Variants in PPP2R2B observed in about 807,000 individuals in gnomAD.
PPP2R2B encodes serine/threonine-protein phosphatase 2A 55 kDa regulatory subunit B beta isoform.
Under a neutral mutation model 46.0 loss-of-function variants are expected in PPP2R2B, and 5 were observed. That is an observed-to-expected ratio of 0.11 (90% CI 0.06 to 0.23). The LOEUF (loss-of-function observed/expected upper bound fraction) is 0.23, where lower values mean the gene tolerates loss of function less well. PPP2R2B is among the 10% of genes least tolerant of loss of function. PPP2R2B has a pLI of 1.00. For missense variants in PPP2R2B, 367 were observed against 575.0 expected (o/e 0.64, Z 3.70); for synonymous variants, 215 against 206.7 (o/e 1.04, Z -0.34).
intron 8 of PPP2R2B, among the ~76,000 whole-genome samples, chr5:146,596,305 T>G (rs993875848): frequency 6.6e-6 from 1 of 152,254 alleles, no homozygotes; most frequent in Non-Finnish European, 1.5e-5. Context: ...TGTGAATGCA[T>G]GTATGAAAAT....
intron 1 of PPP2R2B, among the ~76,000 whole-genome samples, chr5:147,045,753 G>A (rs1181986661): frequency 1.3e-5 from 2 of 152,130 alleles, no homozygotes; most frequent in Non-Finnish European, 2.9e-5. Context: ...CACATCACTT[G>A]ATAGCTTCAT....
At chr5:146,605,419 C>G (rs1029150380) in intron 7 of PPP2R2B, among the ~76,000 whole-genome samples, 4 of 152,204 alleles carry the variant, frequency 2.6e-5, no homozygotes, top group African/African-American at 9.7e-5. Context: ...CCCCACTACT[C>G]TAGGTAGCCT....
chr5:147,047,892 T>C (rs951688195), intron 1 of PPP2R2B, among the ~76,000 whole-genome samples: 2 of 152,172 alleles, frequency 1.3e-5, no homozygotes, highest in Non-Finnish European at 2.9e-5. Context: ...GCTGCAGATC[T>C]ACTGTCATTT....
intron 2 of PPP2R2B, among the ~76,000 whole-genome samples, chr5:146,736,173 T>A (rs1001414910): frequency 6.6e-6 from 1 of 152,208 alleles, no homozygotes; most frequent in African/African-American, 2.4e-5. Context: ...CCTGCCTCCA[T>A]GTGAAGAAGG....
chr5:146,619,938 A>G (rs918414192), intron 7 of PPP2R2B, among the ~76,000 whole-genome samples: 4 of 152,210 alleles, frequency 2.6e-5, no homozygotes, highest in African/African-American at 9.6e-5. Flanking sequence ...TTATCTGTTC[A>G]GGATTCACAA....
rs568736970 is a variant in PPP2R2B, at chr5:146,986,750, A to G, written c.79+68915T>C. ...CAAAAAGAATGCAAAAGGACAAAGA[A>G]CACTTATGAGCTATATAAGATAGTA... On this transcript the variant is annotated intron_variant, in intron 1 of 8. Coordinates refer to the PPP2R2B transcript ENST00000336640. 4.1e-4 allele frequency among the ~76,000 whole-genome samples: 62 copies of G among 152,314 alleles called. 1 individual carries two copies. Among genetic ancestry groups the G allele is most frequent in the Non-Finnish European group, 6.9e-4 (47 of 68,020 alleles).
chr5:146,776,611 C>A (rs1231069262), intron 2 of PPP2R2B, among the ~76,000 whole-genome samples: 2 of 151,836 alleles, frequency 1.3e-5, no homozygotes, highest in Non-Finnish European at 2.9e-5. Context: ...AATATGACAC[C>A]AAAAGCACAG....
intron 2 of PPP2R2B, among the ~76,000 whole-genome samples, chr5:146,861,047 A>ATTTTTTTT (rs869248861): frequency 6.1e-5 from 8 of 132,194 alleles, no homozygotes; most frequent in Non-Finnish European, 7.9e-5. Flanking sequence ...TTCAAACTGA[A>ATTTTTTTT]TTTTTTCTTT....
intron 2 of PPP2R2B, among the ~76,000 whole-genome samples, chr5:147,075,081 A>T (rs1757723973): frequency 6.6e-6 from 1 of 152,194 alleles, no homozygotes; most frequent in Non-Finnish European, 1.5e-5. Flanking sequence ...ACTGCACCAG[A>T]TAATTCTTTT....
chr5:147,053,775 A>G (rs1296969011), intron 1 of PPP2R2B, among the ~76,000 whole-genome samples: 1 of 152,222 alleles, frequency 6.6e-6, no homozygotes, highest in Non-Finnish European at 1.5e-5. Context: ...GGAGCATTAC[A>G]AAGAACTTTA....
chr5:146,651,153 T>C (rs967758099), intron 5 of PPP2R2B, among the ~76,000 whole-genome samples: 3 of 152,220 alleles, frequency 2.0e-5, no homozygotes, highest in African/African-American at 7.2e-5. Context: ...CTTTTATGTC[T>C]TTTCATCTCA....
rs1188078621 is a variant in PPP2R2B, at chr5:146,707,262, C to T, written c.71-6120G>A. On this transcript the variant is annotated intron_variant, in intron 2 of 9. Transcript: ENST00000394411. Reference sequence around the variant, plus strand: ...GGAGGCTCCACTTGGTCTCCAGCATCTTGTTCTGCTGCTCCAGGAACCGTA... The same window carrying T: ...GGAGGCTCCACTTGGTCTCCAGCATTTTGTTCTGCTGCTCCAGGAACCGTA... The T allele has an allele frequency of 3.2e-6, 5 of 1,586,458 alleles. No homozygotes were observed. The Admixed American group carries it at 6.7e-5, about 21-fold the overall frequency.
Position 146,838,709 on chromosome 5 carries a change from G to A in PPP2R2B, c.70+39293C>T, listed in dbSNP as rs994875842. ...AGCTACACAAGTGAGTTAAGAAAGT[G>A]ATATGCTAACACATTAATGATTAAT... On this transcript the variant is annotated intron_variant, in intron 2 of 9. Coordinates refer to ENST00000394411, the MANE Select transcript of PPP2R2B (RefSeq NM_181675.4). Among the ~76,000 whole-genome samples, 7 of 152,284 alleles carry A rather than the reference G, an allele frequency of 4.6e-5. No individual in the cohort carries two copies. The East Asian group carries it at 1.3e-3, about 29-fold the overall frequency.
intron 5 of PPP2R2B, among the ~76,000 whole-genome samples, chr5:146,653,919 T>C (rs1776154065): frequency 2.0e-5 from 3 of 152,190 alleles, no homozygotes; most frequent in Admixed American, 6.5e-5. Context: ...GCTTGTCTGC[T>C]GCCCAGTGAC....
rs1475375157 is a variant in PPP2R2B at position 146,745,192 on chromosome 5, GAGAGAGAGAGAGAGAA to G, written c.71-44066_71-44051del. 2.4e-3 allele frequency among the ~76,000 whole-genome samples: 332 copies of G among 138,180 alleles called. 1 individual carries two copies. The highest frequency in any genetic ancestry group is 6.4e-3 in the African/African-American group (251 of 39,494). The allele number at this position is 138,180 out of a possible 152,430, so 90.7% of individuals were successfully genotyped here. A position where few individuals can be genotyped will look rare whatever the true frequency, so the allele number is the denominator to read the frequency against. On this transcript the variant is annotated intron_variant, in intron 2 of 9. Transcript: ENST00000394411. Reference sequence around the variant, plus strand: ...AGAGAGAGAGAGAGAGAGAGAGAGAGAGAGAGAGAGAGAGAAAGAGACTATAAGCATGGAATGATGT... The same window carrying G: ...AGAGAGAGAGAGAGAGAGAGAGAGAGAGAGACTATAAGCATGGAATGATGT...
chr5:146,625,326 G>C (rs1219799895), intron 7 of PPP2R2B, among the ~76,000 whole-genome samples: 1 of 152,154 alleles, frequency 6.6e-6, no homozygotes, highest in Non-Finnish European at 1.5e-5. Context: ...CTGTGTGTGT[G>C]TGTAATGTAT....
In PPP2R2B at chr5:146,912,576, C is replaced by T. The variant is rs564384214; in HGVS notation, c.79+143089G>A. ...TCGCCCAGGCTGGAGTGCAGTGGCA[C>T]GATCTCGGCTCACCACAACCTGGGT... On this transcript the variant is annotated intron_variant, in intron 1 of 8. Transcript: ENST00000336640. 1.4e-3 allele frequency among the ~76,000 whole-genome samples: 219 copies of T among 151,196 alleles called. 3 individuals are homozygous for T. In the South Asian group the frequency reaches 0.028, roughly 20 times the overall value.
chr5:146,593,140 G>A, intron 8 of PPP2R2B, 78 bp from the exon 9 acceptor site: 1 of 1,181,510 alleles, frequency 8.5e-7, no homozygotes, highest in Non-Finnish European at 1.3e-6. Flanking sequence ...CTCTTCTGAT[G>A]TGAGCTGTTA....
rs1240643600 is a variant in PPP2R2B at position 147,014,742 on chromosome 5, G to C, written c.79+40923C>G. On this transcript the variant is annotated intron_variant, in intron 1 of 8. Transcript: ENST00000336640. ...CACACTGGGGACTGTTGTGGGGTAGGGGGAGGGGGGAGGGATATCATTGGG... is the reference window on the plus strand; with the variant it reads ...CACACTGGGGACTGTTGTGGGGTAGCGGGAGGGGGGAGGGATATCATTGGG... 3.1e-4 allele frequency among the ~76,000 whole-genome samples: 47 copies of C among 150,110 alleles called. 1 individual carries two copies. Among genetic ancestry groups the C allele is most frequent in the Non-Finnish European group, 1.5e-5 (1 of 67,626 alleles).
Sources: gnomAD v4.1 joint callset for allele counts (sites outside exome capture counted in the v4.1 genomes callset) on GRCh38, gnomAD v4.1.1 for gene constraint, MANE v1.5 for transcripts, NCBI Gene and HGNC (gene_info 2026-07-23, HGNC 2026-07-21) for gene names.